The following CDC20B variants were observed in gnomAD, a reference collection of about 807,000 sequenced individuals.
The protein encoded by CDC20B is cell division cycle protein 20 homolog B.
In CDC20B, 58 loss-of-function variants were observed where a neutral mutation model predicts 64.1. The ratio of observed to expected loss-of-function variants is 0.90; its 90% CI spans 0.73 to 1.13. CDC20B has a LOEUF of 1.13. CDC20B is among the 50% of genes most tolerant of loss of function. The pLI, the probability that CDC20B is intolerant of heterozygous loss-of-function variation, is 0.00. For missense variants in CDC20B, 597 were observed against 633.0 expected (o/e 0.94, Z 0.61); for synonymous variants, 243 against 230.6 (o/e 1.05, Z -0.49).
chr5:55,148,900 G>A (rs1743579956), intron 2 of CDC20B, among the ~76,000 whole-genome samples: 1 of 152,226 alleles, frequency 6.6e-6, no homozygotes, highest in African/African-American at 2.4e-5. Context: ...TAGAGGTCAA[G>A]TGAATTGTCC....
chr5:55,124,607 C>T (rs1446799195), intron 9 of CDC20B, among the ~76,000 whole-genome samples, 196 bp downstream of exon 9: 2 of 152,166 alleles, frequency 1.3e-5, no homozygotes, highest in Non-Finnish European at 2.9e-5. Context: ...TGGTTTCAGT[C>T]ACCTACAACT....
intron 2 of CDC20B, chr5:55,172,162 A>G (rs1471434552): frequency 1.2e-5 from 2 of 171,148 alleles, no homozygotes; most frequent in African/African-American, 4.8e-5. Context: ...CAGGTACTAC[A>G]TTGGATCAAC....
rs961095671 is a variant in CDC20B, at chr5:55,114,214, G to C, written c.*4C>G. 1.9e-6 allele frequency: 3 copies of C among 1,613,020 alleles called. No homozygotes were observed. The African/African-American group carries it at 4.0e-5, about 22-fold the overall frequency. On this transcript the variant is annotated 3_prime_UTR_variant, in exon 12 of 12. Transcript: ENST00000381375. The surrounding 1 kb of genome is among the most constrained non-coding windows in gnomAD (Gnocchi z 4.1). ...AGGAAACTGAAACCTAGAGGGGCTG[G>C]GTGCTAGTAGCAATTCCATACAGAG...
At chr5:55,168,613 C>T (rs200090685) in intron 2 of CDC20B, among the ~76,000 whole-genome samples, 2 of 152,120 alleles carry the variant, frequency 1.3e-5, no homozygotes, top group East Asian at 3.9e-4. Context: ...TGAGACTAAA[C>T]CACAACTTTA....
chr5:55,128,719 C>T (rs1365986365), intron 6 of CDC20B, 102 bp from the exon 7 acceptor site: 5 of 795,090 alleles, frequency 6.3e-6, no homozygotes, highest in Non-Finnish European at 9.1e-6. Flanking sequence ...ATACCATCCC[C>T]ATGGTTAGCT....
At chr5:55,117,690 T>C (rs1742655886) in intron 11 of CDC20B, among the ~76,000 whole-genome samples, 1 of 152,134 alleles carries the variant, frequency 6.6e-6, no homozygotes, top group South Asian at 2.1e-4. Context: ...AGTGTGTTCA[T>C]GGAACAAGTA....
chr5:55,156,176 G>A (rs955461722), intron 2 of CDC20B, among the ~76,000 whole-genome samples: 4 of 152,106 alleles, frequency 2.6e-5, no homozygotes, highest in Admixed American at 6.6e-5. Flanking sequence ...ATCAGATCTC[G>A]TGAGACTTAT....
chr5:55,116,786 G>T (rs1742635658), intron 11 of CDC20B, among the ~76,000 whole-genome samples: 1 of 152,218 alleles, frequency 6.6e-6, no homozygotes, highest in South Asian at 2.1e-4. Context: ...ATAATGGTGG[G>T]GGGAAATCCC....
chr5:55,146,070 T>G (rs1743465294), intron 3 of CDC20B, among the ~76,000 whole-genome samples: 1 of 152,140 alleles, frequency 6.6e-6, no homozygotes, highest in Non-Finnish European at 1.5e-5. Flanking sequence ...CCAATGCAAG[T>G]CTCAAAAACA....
chr5:55,129,972 CAA>C (rs1232970185), intron 6 of CDC20B, among the ~76,000 whole-genome samples: 7 of 152,036 alleles, frequency 4.6e-5, no homozygotes, highest in African/African-American at 9.7e-5. Flanking sequence ...AAAACATAAC[CAA>C]TAGATGAAAA....
At position 55,128,583 on chromosome 5, in the gene CDC20B, A is replaced by C; in HGVS notation, c.732T>G (p.Leu244=). The change falls in exon 7 of 12, where the codon CTT becomes CTG. Residue 244 remains leucine (L), a synonymous_variant. Coordinates refer to ENST00000381375, the MANE Select transcript of CDC20B (RefSeq NM_001170402.1). ...LNILDWSFQN[L]VAIALGSAVY... ...CAGCAGAGCCCAGGGCTATGGCAACAAGATTCTGAAAACTCCAATCTAGGA... is the reference window on the plus strand; with the variant it reads ...CAGCAGAGCCCAGGGCTATGGCAACCAGATTCTGAAAACTCCAATCTAGGA... 1 of 1,572,888 alleles carries C rather than the reference A, an allele frequency of 6.4e-7. No individual in the cohort carries two copies.
chr5:55,171,629 G>A (rs950507562), intron 2 of CDC20B, among the ~76,000 whole-genome samples: 1 of 152,044 alleles, frequency 6.6e-6, no homozygotes. Flanking sequence ...AAGAGGCAGG[G>A]TCTGGCTCTG....
At chr5:55,171,230 T>C (rs1167773865) in intron 2 of CDC20B, among the ~76,000 whole-genome samples, 1 of 152,186 alleles carries the variant, frequency 6.6e-6, no homozygotes. Context: ...TGAGAATCAC[T>C]TGAACCCGGG....
At chr5:55,172,305 A>T (rs1561100303) in intron 2 of CDC20B, 1 of 348,350 alleles carries the variant, frequency 2.9e-6, no homozygotes, top group Non-Finnish European at 5.3e-6. Flanking sequence ...CAACTGTTAA[A>T]ATCATTAACA....
chr5:55,120,313 T>C, intron 10 of CDC20B, 112 bp downstream of exon 10: 4 of 1,225,646 alleles, frequency 3.3e-6, no homozygotes, highest in Non-Finnish European at 3.5e-6. Flanking sequence ...TCAAATTCCT[T>C]ATGGACTCAA....
intron 3 of CDC20B, among the ~76,000 whole-genome samples, chr5:55,145,991 AT>A (rs1348213085): frequency 6.6e-6 from 1 of 152,172 alleles, no homozygotes; most frequent in Admixed American, 6.5e-5. Flanking sequence ...GCACATATAT[AT>A]GTGTGTATGT....
chr5:55,140,961 A>G (rs1743312872), intron 4 of CDC20B, among the ~76,000 whole-genome samples: 1 of 152,228 alleles, frequency 6.6e-6, no homozygotes, highest in African/African-American at 2.4e-5. Context: ...GGAATTTCCT[A>G]AAAACATAGT....
At chr5:55,136,236 G>C (rs948030812) in intron 5 of CDC20B, among the ~76,000 whole-genome samples, 7 of 151,644 alleles carry the variant, frequency 4.6e-5, no homozygotes, top group Admixed American at 2.6e-4. Context: ...GTGAACCACT[G>C]TGCCCAGCCC....
At chr5:55,120,624 G>A (rs1341702916) in intron 9 of CDC20B, 74 bp from the exon 10 acceptor site, 7 of 1,578,182 alleles carry the variant, frequency 4.4e-6, no homozygotes, top group Non-Finnish European at 5.2e-6. Flanking sequence ...ATGCACTTAG[G>A]TAAGCAGCAA....
Sources: gnomAD v4.1 joint callset for allele counts (sites outside exome capture counted in the v4.1 genomes callset) on GRCh38, gnomAD v4.1.1 for gene constraint, Gnocchi (gnomAD v3.1) non-coding constraint, MANE v1.5 for transcripts, NCBI Gene and HGNC (gene_info 2026-07-23, HGNC 2026-07-21) for gene names.